The following SLC24A3 variants were observed in gnomAD, a reference collection of about 807,000 sequenced individuals.
The protein encoded by SLC24A3 is solute carrier family 24 member 3.
A neutral mutation model predicts 75.8 loss-of-function variants in SLC24A3; 28 were observed. The observed-to-expected ratio is 0.37, with a 90% CI of 0.27 to 0.51. SLC24A3 has a LOEUF of 0.51. SLC24A3 is among the 20% of genes least tolerant of loss of function. The probability of loss-of-function intolerance (pLI) is 0.94; values close to 1 mark genes in which losing one functional copy is unlikely to be tolerated. For missense variants in SLC24A3, 663 were observed against 847.8 expected (o/e 0.78, Z 2.71); for synonymous variants, 372 against 334.1 (o/e 1.11, Z -1.24).
intron 2 of SLC24A3, among the ~76,000 whole-genome samples, chr20:19,499,213 T>C (rs1333228937): frequency 6.6e-6 from 1 of 152,240 alleles, no homozygotes. Context: ...CCACTATGTT[T>C]GGGATGGTTA....
At chr20:19,520,365 A>T (rs621994) in intron 3 of SLC24A3, among the ~76,000 whole-genome samples, 23,356 of 152,032 alleles carry the variant, frequency 0.15, 2,142 homozygotes, top group East Asian at 0.32. Flanking sequence ...TGCCATCTGC[A>T]CCTCCTCAGG....
At chr20:19,641,151 C>A (rs1332955570) in intron 6 of SLC24A3, among the ~76,000 whole-genome samples, 1 of 152,160 alleles carries the variant, frequency 6.6e-6, no homozygotes, top group African/African-American at 2.4e-5. Flanking sequence ...GGGACACTTG[C>A]ATTTGGAGCC....
chr20:19,383,705 T>G (rs1986223158), intron 2 of SLC24A3, among the ~76,000 whole-genome samples: 1 of 152,222 alleles, frequency 6.6e-6, no homozygotes, highest in East Asian at 1.9e-4. Flanking sequence ...CAGAAATTTC[T>G]TTCTCACAGT....
chr20:19,471,586 C>A (rs1411588120), intron 2 of SLC24A3, among the ~76,000 whole-genome samples: 3 of 152,068 alleles, frequency 2.0e-5, no homozygotes, highest in Non-Finnish European at 4.4e-5. Context: ...TGGCCAATGT[C>A]AAGACAAGGA....
At chr20:19,699,530 A>G (rs1444504552) in intron 15 of SLC24A3, among the ~76,000 whole-genome samples, 3 of 152,188 alleles carry the variant, frequency 2.0e-5, no homozygotes, top group African/African-American at 7.2e-5. Context: ...TTTGGATGAT[A>G]TGTTCTCTAT....
intron 2 of SLC24A3, among the ~76,000 whole-genome samples, chr20:19,360,632 C>G (rs535723003): frequency 6.6e-6 from 1 of 152,320 alleles, no homozygotes; most frequent in East Asian, 1.9e-4. Context: ...GATATTACAA[C>G]ATCTGAACCT....
intron 6 of SLC24A3, among the ~76,000 whole-genome samples, chr20:19,596,456 G>A (rs2122649484): frequency 6.6e-6 from 1 of 152,338 alleles, no homozygotes; most frequent in African/African-American, 2.4e-5. Context: ...TGAGCAATTA[G>A]GAGCTTGTGT....
At chr20:19,216,137 T>C (rs1319810728) in intron 1 of SLC24A3, among the ~76,000 whole-genome samples, 1 of 152,226 alleles carries the variant, frequency 6.6e-6, no homozygotes, top group Non-Finnish European at 1.5e-5. Context: ...TGGATGAAGA[T>C]CTCATTTTTG....
chr20:19,630,677 C>G (rs904295446), intron 6 of SLC24A3, among the ~76,000 whole-genome samples: 1 of 152,182 alleles, frequency 6.6e-6, no homozygotes, highest in African/African-American at 2.4e-5. Flanking sequence ...TATATAACCT[C>G]ATTTTATTAT....
chr20:19,613,810 T>G (rs1197346105), intron 6 of SLC24A3, among the ~76,000 whole-genome samples: 1 of 152,206 alleles, frequency 6.6e-6, no homozygotes, highest in Non-Finnish European at 1.5e-5. Flanking sequence ...AGATGAAGGC[T>G]TCCTTGGTTT....
rs189748235 is a variant in SLC24A3, at chr20:19,391,575, C to T, written c.271+110488C>T. 4.6e-5 allele frequency among the ~76,000 whole-genome samples: 7 copies of T among 152,322 alleles called. No homozygotes were observed. In the East Asian group the frequency reaches 1.4e-3, roughly 29 times the overall value. On this transcript the variant is annotated intron_variant, in intron 2 of 16. Coordinates refer to ENST00000328041, the MANE Select transcript of SLC24A3 (RefSeq NM_020689.4). ...CAGGGCCCATCTAGACTTCCTGAATCAGAACCTCTGGGGTGAGGCCATGCA... is the reference window on the plus strand; with the variant it reads ...CAGGGCCCATCTAGACTTCCTGAATTAGAACCTCTGGGGTGAGGCCATGCA...
intron 2 of SLC24A3, among the ~76,000 whole-genome samples, chr20:19,505,471 G>A (rs994269348): frequency 6.6e-6 from 1 of 152,162 alleles, no homozygotes; most frequent in African/African-American, 2.4e-5. Context: ...TCTAAATATG[G>A]GTTTTCCAGA....
chr20:19,216,223 A>G (rs1293727138), intron 1 of SLC24A3, among the ~76,000 whole-genome samples: 1 of 152,122 alleles, frequency 6.6e-6, no homozygotes, highest in African/African-American at 2.4e-5. Context: ...TTGCAATGAG[A>G]ATAGATTACT....
At chr20:19,322,866 C>G (rs1469150189) in intron 2 of SLC24A3, among the ~76,000 whole-genome samples, 1 of 152,156 alleles carries the variant, frequency 6.6e-6, no homozygotes, top group Non-Finnish European at 1.5e-5. Context: ...GACATAAAGA[C>G]AGTGGGGCTG....
rs201117846 is a variant in SLC24A3 at position 19,673,287 on chromosome 20, GACCAGATGTAT to G, written c.714-311_714-301del. 6.8e-3 allele frequency among the ~76,000 whole-genome samples: 1,038 copies of G among 152,284 alleles called. 10 individuals carry two copies. The highest frequency in any genetic ancestry group is 0.024 in the African/African-American group (979 of 41,550). On this transcript the variant is annotated intron_variant, in intron 8 of 16. Coordinates refer to ENST00000328041, the MANE Select transcript of SLC24A3 (RefSeq NM_020689.4). Reference sequence around the variant, plus strand: ...TAGTTTCAGTGAATGATTAAGCTGAGACCAGATGTATACATATTGACCTATATTCAGCAACG... The same window carrying G: ...TAGTTTCAGTGAATGATTAAGCTGAGACATATTGACCTATATTCAGCAACG...
At chr20:19,252,709 G>A (rs148596978) in intron 1 of SLC24A3, among the ~76,000 whole-genome samples, 9 of 149,332 alleles carry the variant, frequency 6.0e-5, no homozygotes, top group Admixed American at 3.5e-4. Flanking sequence ...ACATTCATTT[G>A]TATGTGACTT....
chr20:19,459,578 C>A (rs4381842), intron 2 of SLC24A3, among the ~76,000 whole-genome samples: 82,667 of 151,878 alleles, frequency 0.54, 22,751 homozygotes, highest in Non-Finnish European at 0.58. Flanking sequence ...CTGCAATATT[C>A]AATAGAACCT....
intron 3 of SLC24A3, among the ~76,000 whole-genome samples, chr20:19,528,990 G>A (rs2030247055): frequency 6.6e-6 from 1 of 152,108 alleles, no homozygotes; most frequent in Non-Finnish European, 1.5e-5. Context: ...CAAACCTGGA[G>A]GATAGTTGTA....
At chr20:19,397,780 A>C (rs1044965362) in intron 2 of SLC24A3, among the ~76,000 whole-genome samples, 1 of 151,692 alleles carries the variant, frequency 6.6e-6, no homozygotes, top group Non-Finnish European at 1.5e-5. Context: ...AAGAAATAAC[A>C]TAATTTGGAA....
Sources: gnomAD v4.1 joint callset for allele counts (sites outside exome capture counted in the v4.1 genomes callset) on GRCh38, gnomAD v4.1.1 for gene constraint, MANE v1.5 for transcripts, NCBI Gene and HGNC (gene_info 2026-07-23, HGNC 2026-07-21) for gene names.